The following TLE4 variants were observed in gnomAD, a reference collection of about 807,000 sequenced individuals.
TLE4 encodes the protein transducin-like enhancer protein 4.
A neutral mutation model predicts 92.8 loss-of-function variants in TLE4; 8 were observed. That is an observed-to-expected ratio of 0.09 (90% CI 0.05 to 0.16). TLE4 has a LOEUF of 0.16. TLE4 is among the 10% of genes least tolerant of loss of function. TLE4 has a pLI of 1.00. For synonymous variants in TLE4, 371 were observed against 374.1 expected (o/e 0.99, Z 0.10); for missense variants, 675 against 997.6 (o/e 0.68, Z 4.36).
At chr9:79,647,036 A>G (rs2058210152) in intron 6 of TLE4, among the ~76,000 whole-genome samples, 1 of 152,192 alleles carries the variant, frequency 6.6e-6, no homozygotes, top group Non-Finnish European at 1.5e-5. Flanking sequence ...TAATTTTGGT[A>G]TAATAACAAA....
chr9:79,572,991 A>AC (rs2036269140), intron 1 of TLE4, among the ~76,000 whole-genome samples, 156 bp downstream of exon 1: 1 of 150,980 alleles, frequency 6.6e-6, no homozygotes, highest in African/African-American at 2.4e-5. Flanking sequence ...CATCACCCCC[A>AC]CCCCCCGGCG....
intron 8 of TLE4, among the ~76,000 whole-genome samples, chr9:79,671,718 G>A (rs1050842966): frequency 3.3e-5 from 5 of 152,126 alleles, no homozygotes; most frequent in African/African-American, 1.2e-4. Flanking sequence ...ACAAGGCAGT[G>A]AGTCAGCCTT....
chr9:79,674,449 T>G (rs1307026572), intron 8 of TLE4, among the ~76,000 whole-genome samples: 1 of 152,170 alleles, frequency 6.6e-6, no homozygotes, highest in Non-Finnish European at 1.5e-5. Context: ...TTTTAAACCC[T>G]CATCTGGATG....
chr9:79,714,353 A>C lies in TLE4; in HGVS notation c.1341-4369A>C, dbSNP rs551759326. 8.5e-5 allele frequency among the ~76,000 whole-genome samples: 13 copies of C among 152,330 alleles called. No homozygotes were observed. The South Asian group carries it at 2.7e-3, about 32-fold the overall frequency. The stretch of plus-strand genomic sequence containing the variant: ...ACATTGATTTTAATTATATAGAGAT[A>C]TAGATCTGGTATGTTTTTTCAGACT... On this transcript the variant is annotated intron_variant, in intron 14 of 19. Transcript: ENST00000376552.
chr9:79,579,547 T>C (rs931810355), intron 4 of TLE4, among the ~76,000 whole-genome samples: 2 of 152,230 alleles, frequency 1.3e-5, no homozygotes, highest in African/African-American at 4.8e-5. Flanking sequence ...GAAAGCTTCT[T>C]CATTTGAATT....
chr9:79,599,579 A>T (rs147933848), intron 4 of TLE4, among the ~76,000 whole-genome samples: 25 of 152,188 alleles, frequency 1.6e-4, no homozygotes, highest in South Asian at 1.4e-3. Flanking sequence ...TTGAGTAGTA[A>T]TTGCTTTTAA....
chr9:79,572,890 C>A, intron 1 of TLE4, 55 bp downstream of exon 1: 1 of 1,543,868 alleles, frequency 6.5e-7, no homozygotes, highest in Non-Finnish European at 8.8e-7. Flanking sequence ...TTCCCCGCGT[C>A]GCCCCCTGCG....
At chr9:79,646,051 T>C (rs2058056504) in intron 6 of TLE4, among the ~76,000 whole-genome samples, 1 of 151,988 alleles carries the variant, frequency 6.6e-6, no homozygotes, top group South Asian at 2.1e-4. Context: ...TTGATCTTTG[T>C]TTTGTTTTTC....
At chr9:79,694,762 T>G (rs906751056) in intron 8 of TLE4, among the ~76,000 whole-genome samples, 20 of 149,520 alleles carry the variant, frequency 1.3e-4, no homozygotes, top group South Asian at 6.3e-4. Flanking sequence ...CTGTGTGTGG[T>G]GACTTACTAA....
chr9:79,601,717 G>A (rs913481684), intron 4 of TLE4, among the ~76,000 whole-genome samples: 1 of 152,068 alleles, frequency 6.6e-6, no homozygotes, highest in Non-Finnish European at 1.5e-5. Context: ...CCCATTCTCT[G>A]AGACAACAGT....
chr9:79,583,923 C>G (rs2040374455), intron 4 of TLE4, among the ~76,000 whole-genome samples: 1 of 152,016 alleles, frequency 6.6e-6, no homozygotes, highest in Admixed American at 6.6e-5. Context: ...AGTGGAGTAC[C>G]CAACAGTTTG....
chr9:79,718,698 C>G (rs1309966392), intron 14 of TLE4, 24 bp from the exon 15 acceptor site: 1 of 1,592,910 alleles, frequency 6.3e-7, no homozygotes, highest in African/African-American at 1.3e-5. Context: ...TCCCCTCTTT[C>G]TTTTTTCCTC....
chr9:79,636,535 C>T (rs1009142047), intron 6 of TLE4, among the ~76,000 whole-genome samples: 22 of 152,154 alleles, frequency 1.4e-4, no homozygotes, highest in Admixed American at 1.0e-3. Flanking sequence ...AGGGTTTGTG[C>T]ACCAGCTTCT....
chr9:79,635,330 G>T (rs531977507), intron 6 of TLE4, among the ~76,000 whole-genome samples: 1 of 151,070 alleles, frequency 6.6e-6, no homozygotes, highest in South Asian at 2.1e-4. Context: ...AGTTTTAAGA[G>T]TTCTTTAATT....
chr9:79,723,124 T>G lies in TLE4; in HGVS notation c.2214+89T>G, dbSNP rs555443410. The G allele has an allele frequency of 1.1e-4, 144 of 1,305,818 alleles. 1 individual carries two copies. The East Asian group carries it at 3.4e-3, about 31-fold the overall frequency. 80.9% of individuals were successfully genotyped at this position (1,305,818 alleles called of 1,614,324 possible). ...AGATTAATAATGTGCAGAAGTGTCC[T>G]GGGAGGTCAGAGCTAGTATTATGCA... On this transcript the variant is annotated intron_variant, in intron 19 of 19. Transcript: ENST00000376552.
intron 6 of TLE4, among the ~76,000 whole-genome samples, chr9:79,642,733 G>A (rs2057405154): frequency 6.6e-6 from 1 of 151,876 alleles, no homozygotes; most frequent in African/African-American, 2.4e-5. Context: ...TTCTTTTCTT[G>A]CCATTATTAC....
chr9:79,634,287 C>G lies in TLE4; in HGVS notation c.390+6839C>G, dbSNP rs1357057070. Reference sequence around the variant, plus strand: ...GCTTGCTGGTATTACATTGTACTTACAAATAATCAACTTTTAATTAACGCA... The same window carrying G: ...GCTTGCTGGTATTACATTGTACTTAGAAATAATCAACTTTTAATTAACGCA... On this transcript the variant is annotated intron_variant, in intron 6 of 19. Coordinates refer to ENST00000376552, the MANE Select transcript of TLE4 (RefSeq NM_007005.6). Among the ~76,000 whole-genome samples the G allele has an allele frequency of 3.9e-5, 6 of 152,220 alleles. No individual in the cohort carries two copies. The East Asian group carries it at 1.2e-3, about 29-fold the overall frequency.
chr9:79,694,447 T>C (rs1207145282), intron 8 of TLE4, among the ~76,000 whole-genome samples: 3 of 152,188 alleles, frequency 2.0e-5, no homozygotes, highest in Admixed American at 6.5e-5. Context: ...GTGTTTTTTG[T>C]TTCCTCAAAG....
At chr9:79,666,517 G>A (rs937833896) in intron 8 of TLE4, among the ~76,000 whole-genome samples, 2 of 152,114 alleles carry the variant, frequency 1.3e-5, no homozygotes, top group African/African-American at 4.8e-5. Flanking sequence ...GGGATTACAG[G>A]CGTGAGCCAT....
Sources: allele counts gnomAD v4.1 joint callset (sites outside exome capture counted in the v4.1 genomes callset), GRCh38; gene constraint gnomAD v4.1.1; transcripts MANE v1.5; gene names NCBI Gene and HGNC (gene_info 2026-07-23, HGNC 2026-07-21).